Variants in CCDC6 observed in about 807,000 individuals in gnomAD.
The protein encoded by CCDC6 is coiled-coil domain-containing protein 6.
In CCDC6, 20 loss-of-function variants were observed where a neutral mutation model predicts 56.6. The ratio of observed to expected loss-of-function variants is 0.35; its 90% CI spans 0.25 to 0.51. The LOEUF (loss-of-function observed/expected upper bound fraction) is 0.51. Among genes scored for constraint, CCDC6 ranks in the 20% least tolerant of loss-of-function variants. The pLI is 0.95. For synonymous variants in CCDC6, 241 were observed against 234.4 expected (o/e 1.03, Z -0.26); for missense variants, 367 against 601.1 (o/e 0.61, Z 4.07).
chr10:59,840,425 T>C lies in CCDC6; in HGVS notation c.454-7772A>G, dbSNP rs543952462. Reference sequence around the variant, plus strand: ...TGTCATTACATATGGTGCATATCTCTTCTCCCATTCTGTGGTTCATCCTTG... The same window carrying C: ...TGTCATTACATATGGTGCATATCTCCTCTCCCATTCTGTGGTTCATCCTTG... On this transcript the variant is annotated intron_variant, in intron 2 of 8. Coordinates refer to ENST00000263102, the MANE Select transcript of CCDC6 (RefSeq NM_005436.5). 6.6e-5 allele frequency among the ~76,000 whole-genome samples: 10 copies of C among 152,356 alleles called. No homozygotes were observed. The South Asian group carries it at 2.1e-3, about 32-fold the overall frequency.
At chr10:59,859,117 A>G (rs1352532182) in intron 1 of CCDC6, among the ~76,000 whole-genome samples, 1 of 152,130 alleles carries the variant, frequency 6.6e-6, no homozygotes. Flanking sequence ...AAAAGATACA[A>G]AAAGGGTTAG....
intron 1 of CCDC6, among the ~76,000 whole-genome samples, chr10:59,874,747 G>A (rs1328571817): frequency 2.6e-5 from 4 of 152,092 alleles, no homozygotes; most frequent in African/African-American, 9.7e-5. Flanking sequence ...AGAGATCAGA[G>A]TGATGCCTAA....
intron 1 of CCDC6, among the ~76,000 whole-genome samples, chr10:59,875,922 G>A (rs1210221721): frequency 6.6e-6 from 1 of 151,914 alleles, no homozygotes; most frequent in African/African-American, 2.4e-5. Context: ...TTGCTATTTG[G>A]ACATTAACCT....
chr10:59,859,199 CGTGTGTGTGTGTGTGT>C (rs66648240), intron 1 of CCDC6, among the ~76,000 whole-genome samples: 11 of 137,260 alleles, frequency 8.0e-5, no homozygotes, highest in Admixed American at 3.6e-4. Context: ...CATGTGTGTG[CGTGTGTGTGTGTGTGT>C]GTGTGTGTGT....
chr10:59,855,397 T>G (rs1370499664), intron 1 of CCDC6, among the ~76,000 whole-genome samples: 1 of 152,042 alleles, frequency 6.6e-6, no homozygotes, highest in East Asian at 1.9e-4. Context: ...GAAACTCCAT[T>G]TCTACTTAAA....
Position 59,791,804 on chromosome 10 carries a change from T to C in CCDC6, c.*1113A>G, listed in dbSNP as rs1434157799. On this transcript the variant is annotated 3_prime_UTR_variant, in exon 9 of 9. Coordinates refer to ENST00000263102, the MANE Select transcript of CCDC6 (RefSeq NM_005436.5). ...ATTTGTGCTAAATGAATGGAAATAA[T>C]GTATTCAGAATATACTTCTTTGTAC... 1.4e-5 allele frequency: 3 copies of C among 215,824 alleles called. No homozygotes were observed. Among genetic ancestry groups the C allele is most frequent in the Non-Finnish European group, 2.8e-5 (3 of 106,886 alleles). The allele number at this position is 215,824 out of a possible 1,614,324, so 13.4% of individuals were successfully genotyped here.
chr10:59,798,126 T>TG (rs2070540365), intron 7 of CCDC6, among the ~76,000 whole-genome samples: 1 of 152,214 alleles, frequency 6.6e-6, no homozygotes. Context: ...CACAATACCT[T>TG]GCACAGGGTA....
At chr10:59,808,356 G>A (rs528586511) in intron 5 of CCDC6, among the ~76,000 whole-genome samples, 1 of 152,234 alleles carries the variant, frequency 6.6e-6, no homozygotes, top group South Asian at 2.1e-4. Flanking sequence ...ACAGGATTCT[G>A]TGGCATACTC....
chr10:59,871,468 T>TAA (rs138741485), intron 1 of CCDC6, among the ~76,000 whole-genome samples: 1 of 98,482 alleles, frequency 1.0e-5, no homozygotes, highest in East Asian at 3.1e-4. Context: ...TAATACTCAT[T>TAA]AAAAAAAAAA....
chr10:59,821,691 G>C (rs181153808), intron 3 of CCDC6, among the ~76,000 whole-genome samples: 2 of 152,210 alleles, frequency 1.3e-5, no homozygotes, highest in African/African-American at 4.8e-5. Context: ...AGGAAAAGGG[G>C]GAGGAAGAGT....
At chr10:59,793,190 T>C in intron 8 of CCDC6, 79 bp from the exon 9 acceptor site, 1 of 1,174,874 alleles carries the variant, frequency 8.5e-7, no homozygotes, top group East Asian at 2.5e-5. Flanking sequence ...GACTTGGCAC[T>C]GGGGCTAATC....
At chr10:59,818,523 G>T (rs917847483) in intron 3 of CCDC6, among the ~76,000 whole-genome samples, 1 of 146,680 alleles carries the variant, frequency 6.8e-6, no homozygotes, top group Admixed American at 7.0e-5. Context: ...ATTCTCAGTG[G>T]GGCCTCTGTC....
chr10:59,842,633 A>G (rs1044048513), intron 2 of CCDC6, among the ~76,000 whole-genome samples: 1 of 151,984 alleles, frequency 6.6e-6, no homozygotes, highest in Admixed American at 6.6e-5. Context: ...CTCATGATTG[A>G]GGCTGTAGTA....
chr10:59,850,610 A>G lies in CCDC6; in HGVS notation c.453+1943T>C, dbSNP rs552079452. The stretch of plus-strand genomic sequence containing the variant: ...ATTGTATACCACTTTTGGAAATAAC[A>G]GTTTATTTTGTTCAGTTTATATACT... On this transcript the variant is annotated intron_variant, in intron 2 of 8. Transcript: ENST00000263102. 2.6e-5 allele frequency among the ~76,000 whole-genome samples: 4 copies of G among 152,324 alleles called. No individual in the cohort carries two copies. In the East Asian group the frequency reaches 7.7e-4, roughly 29 times the overall value.
chr10:59,796,668 C>T (rs141787717), intron 7 of CCDC6, among the ~76,000 whole-genome samples: 341 of 152,194 alleles, frequency 2.2e-3, no homozygotes, highest in Admixed American at 3.9e-3. Flanking sequence ...GTGTTATTCA[C>T]AATAGCAAAA....
chr10:59,804,386 T>C, intron 7 of CCDC6, 34 bp downstream of exon 7: 2 of 1,252,972 alleles, frequency 1.6e-6, no homozygotes, highest in Non-Finnish European at 2.4e-6. Flanking sequence ...GTGCCAGGAA[T>C]CAGTCACTGA....
Position 59,852,634 on chromosome 10 carries a change from C to T in CCDC6, c.372G>A (p.Gln124=). 1 of 1,606,440 alleles carries T rather than the reference C, an allele frequency of 6.2e-7. No individual in the cohort carries two copies. ...NTLFKKIQAL[Q]KEKETLAVNY... The stretch of plus-strand genomic sequence containing the variant: ...TTACAGCAAGGGTTTCTTTCTCCTT[C>T]TGCAAAGCCTGAATTTTCTTGAATA... The change falls in exon 2 of 9, where the codon CAG becomes CAA. Residue 124 remains glutamine (Q), a synonymous_variant. Coordinates refer to ENST00000263102, the MANE Select transcript of CCDC6 (RefSeq NM_005436.5).
At chr10:59,894,755 G>C (rs2071449602) in intron 1 of CCDC6, among the ~76,000 whole-genome samples, 1 of 152,110 alleles carries the variant, frequency 6.6e-6, no homozygotes, top group African/African-American at 2.4e-5. Context: ...CAGGGTGCAG[G>C]AGTGGAGTAG....
At chr10:59,882,025 GC>G (rs2071341370) in intron 1 of CCDC6, among the ~76,000 whole-genome samples, 2 of 48,930 alleles carry the variant, frequency 4.1e-5, no homozygotes, top group African/African-American at 1.8e-4. Flanking sequence ...AAGGAAAGCC[GC>G]GGGGAGAAGG....
Sources: allele counts gnomAD v4.1 joint callset (sites outside exome capture counted in the v4.1 genomes callset), GRCh38; gene constraint gnomAD v4.1.1; transcripts MANE v1.5; gene names NCBI Gene and HGNC (gene_info 2026-07-23, HGNC 2026-07-21).